Variants in LEKR1 observed in about 807,000 individuals in gnomAD.
LEKR1 encodes leucine, glutamate and lysine rich 1, also known as protein LEKR1.
A neutral mutation model predicts 72.4 loss-of-function variants in LEKR1; 59 were observed. That is an observed-to-expected ratio of 0.82 (90% CI 0.66 to 1.01). The LOEUF (loss-of-function observed/expected upper bound fraction) is 1.01, where lower values mean the gene tolerates loss of function less well. Ranked by LOEUF, LEKR1 falls within the 50% of genes least tolerant of loss-of-function variation. The probability of loss-of-function intolerance (pLI) is 0.00; values close to 1 mark genes in which losing one functional copy is unlikely to be tolerated. For missense variants in LEKR1, 728 were observed against 759.2 expected, an observed-to-expected ratio of 0.96 and a Z score of 0.48; for synonymous variants, 257 against 263.2, an observed-to-expected ratio of 0.98 and a Z score of 0.23.
intron 12 of LEKR1, among the ~76,000 whole-genome samples, chr3:157,030,327 T>A (rs1734510735): frequency 6.6e-6 from 1 of 152,182 alleles, no homozygotes; most frequent in Admixed American, 6.5e-5. Context: ...AACATGAGAT[T>A]TGGAGTTGAC....
chr3:156,935,916 A>G (rs1214970343), intron 5 of LEKR1, among the ~76,000 whole-genome samples: 3 of 152,212 alleles, frequency 2.0e-5, no homozygotes, highest in Admixed American at 2.0e-4. Context: ...TCTATTGGAT[A>G]TGACTAGTAC....
At chr3:156,969,858 A>G (rs1322526015) in intron 6 of LEKR1, among the ~76,000 whole-genome samples, 3 of 152,226 alleles carry the variant, frequency 2.0e-5, no homozygotes, top group Non-Finnish European at 4.4e-5. Flanking sequence ...ATGAACATCA[A>G]TGCAAAAATC....
intron 3 of LEKR1, among the ~76,000 whole-genome samples, chr3:156,858,622 C>T (rs965387471): frequency 2.0e-5 from 3 of 148,864 alleles, no homozygotes; most frequent in African/African-American, 7.5e-5. Context: ...TGCAGTGAGC[C>T]GAGAATCATG....
chr3:156,871,569 A>G (rs907799443), intron 3 of LEKR1, among the ~76,000 whole-genome samples: 3 of 152,190 alleles, frequency 2.0e-5, no homozygotes, highest in Non-Finnish European at 2.9e-5. Flanking sequence ...TTACAGTCCC[A>G]CCAACAGTGT....
At chr3:156,869,166 A>G (rs1717635698) in intron 3 of LEKR1, among the ~76,000 whole-genome samples, 1 of 152,038 alleles carries the variant, frequency 6.6e-6, no homozygotes, top group South Asian at 2.1e-4. Flanking sequence ...ACATTCAAGT[A>G]CAAGTATCCC....
intron 12 of LEKR1, among the ~76,000 whole-genome samples, chr3:157,039,274 T>C (rs1735183642): frequency 6.6e-6 from 1 of 152,194 alleles, no homozygotes; most frequent in Non-Finnish European, 1.5e-5. Context: ...TGAAAATATG[T>C]TTCCAATGTA....
chr3:157,031,492 A>T (rs1734604724), intron 12 of LEKR1, among the ~76,000 whole-genome samples: 1 of 152,188 alleles, frequency 6.6e-6, no homozygotes, highest in Non-Finnish European at 1.5e-5. Flanking sequence ...GAACTGTAAG[A>T]GTAAATAATT....
At chr3:156,853,551 A>G (rs1381964591) in intron 3 of LEKR1, among the ~76,000 whole-genome samples, 1 of 152,096 alleles carries the variant, frequency 6.6e-6, no homozygotes, top group East Asian at 1.9e-4. Context: ...AGTTTTTCCT[A>G]TGAATGAAAA....
intron 3 of LEKR1, among the ~76,000 whole-genome samples, chr3:156,891,380 G>T (rs750936215): frequency 1.1e-4 from 16 of 152,146 alleles, no homozygotes; most frequent in Non-Finnish European, 1.8e-4. Context: ...TTCAGAATAG[G>T]TTCAATACTG....
chr3:157,041,542 C>T (rs1032053537), intron 12 of LEKR1, among the ~76,000 whole-genome samples: 18 of 152,098 alleles, frequency 1.2e-4, no homozygotes, highest in African/African-American at 3.1e-4. Flanking sequence ...CTCTCCTCCC[C>T]GTGTGCACCT....
intron 2 of LEKR1, among the ~76,000 whole-genome samples, chr3:156,848,680 A>G (rs1336881446): frequency 6.6e-6 from 1 of 152,212 alleles, no homozygotes; most frequent in Non-Finnish European, 1.5e-5. Flanking sequence ...ATAGAACAGT[A>G]TCAACCAATG....
chr3:157,030,134 A>G (rs1318398859), intron 12 of LEKR1, among the ~76,000 whole-genome samples: 2 of 152,186 alleles, frequency 1.3e-5, no homozygotes, highest in African/African-American at 2.4e-5. Flanking sequence ...AGTGCATCAC[A>G]TGGTGAGAGA....
chr3:156,831,492 A>G lies in LEKR1; in HGVS notation c.48+2115A>G, dbSNP rs114995064. Among the ~76,000 whole-genome samples the G allele has an allele frequency of 9.7e-3, 1,475 of 152,272 alleles. 23 individuals are homozygous for G. The highest frequency in any genetic ancestry group is 0.034 in the African/African-American group (1,405 of 41,542). ...GGCCCATACCCAGAAATTGTGTATT[A>G]GTTTGTTCTCATGCTGTTAATAAAG... is the stretch of plus-strand genomic sequence containing the variant. On this transcript the variant is annotated intron_variant, in intron 2 of 12. Coordinates refer to ENST00000356539, the MANE Select transcript of LEKR1 (RefSeq NM_001004316.3).
At chr3:156,949,047 A>G (rs1455092583) in intron 6 of LEKR1, among the ~76,000 whole-genome samples, 1 of 150,836 alleles carries the variant, frequency 6.6e-6, no homozygotes, top group Non-Finnish European at 1.5e-5. Context: ...GTACTTTTAG[A>G]TCCTTGATAA....
chr3:156,999,700 C>G (rs1246768255), intron 9 of LEKR1, among the ~76,000 whole-genome samples: 1 of 152,186 alleles, frequency 6.6e-6, no homozygotes, highest in Non-Finnish European at 1.5e-5. Context: ...GGTCTTCCCT[C>G]AGACGGAGGG....
At chr3:156,888,186 T>C (rs1231982924) in intron 3 of LEKR1, 1 of 640,068 alleles carries the variant, frequency 1.6e-6, no homozygotes, top group Non-Finnish European at 2.9e-6. Flanking sequence ...GGGGAGAGGA[T>C]TGGGTTAGGG....
intron 4 of LEKR1, among the ~76,000 whole-genome samples, chr3:156,926,579 T>C (rs1724737265): frequency 6.6e-6 from 1 of 151,982 alleles, no homozygotes; most frequent in South Asian, 2.1e-4. Context: ...TTCTTTTTAG[T>C]TTCAGTCCCT....
At chr3:156,898,868 G>A (rs1721482549) in intron 3 of LEKR1, among the ~76,000 whole-genome samples, 1 of 152,102 alleles carries the variant, frequency 6.6e-6, no homozygotes, top group Non-Finnish European at 1.5e-5. Context: ...TCTTTTATCT[G>A]AAGCAAAAGG....
At chr3:157,014,841 C>T (rs1224688185) in intron 10 of LEKR1, among the ~76,000 whole-genome samples, 1 of 152,048 alleles carries the variant, frequency 6.6e-6, no homozygotes, top group Non-Finnish European at 1.5e-5. Flanking sequence ...TTAATAAAAA[C>T]ACTTACAGAA....
Sources: gnomAD v4.1 joint callset for allele counts (sites outside exome capture counted in the v4.1 genomes callset) on GRCh38, gnomAD v4.1.1 for gene constraint, MANE v1.5 for transcripts, NCBI Gene and HGNC (gene_info 2026-07-23, HGNC 2026-07-21) for gene names.